Variants in PHLDB2 observed in about 807,000 individuals in gnomAD.
PHLDB2 encodes pleckstrin homology like domain family B member 2.
A neutral mutation model predicts 123.6 loss-of-function variants in PHLDB2; 71 were observed. The ratio of observed to expected loss-of-function variants is 0.57; its 90% CI spans 0.47 to 0.70. PHLDB2 has a LOEUF of 0.70. PHLDB2 is among the 30% of genes least tolerant of loss of function. PHLDB2 has a pLI of 0.00. For missense variants in PHLDB2, 1,446 were observed against 1,519.5 expected (o/e 0.95, Z 0.80); for synonymous variants, 547 against 541.6 (o/e 1.01, Z -0.14).
chr3:111,775,618 G>T (rs748166118), intron 1 of PHLDB2, among the ~76,000 whole-genome samples: 2 of 152,132 alleles, frequency 1.3e-5, no homozygotes, highest in Non-Finnish European at 2.9e-5. Context: ...TTCGAGTCAT[G>T]TGCATAGAAT....
At chr3:111,877,062 T>G (rs1172409554) in intron 1 of PHLDB2, among the ~76,000 whole-genome samples, 3 of 152,238 alleles carry the variant, frequency 2.0e-5, no homozygotes. Context: ...TAGAATGATT[T>G]ATAATCCTTT....
chr3:111,946,043 A>ATT (rs954963467), intron 9 of PHLDB2, among the ~76,000 whole-genome samples: 1 of 145,384 alleles, frequency 6.9e-6, no homozygotes, highest in African/African-American at 2.6e-5. Context: ...ATATATATAT[A>ATT]TTTTTTGAGA....
intron 3 of PHLDB2, chr3:111,915,329 T>G (rs990945487): frequency 6.6e-6 from 1 of 152,228 alleles, no homozygotes; most frequent in Non-Finnish European, 1.5e-5. Context: ...ACACTGAATG[T>G]TCCTAGTCAG....
intron 5 of PHLDB2, among the ~76,000 whole-genome samples, chr3:111,923,163 TC>T (rs1161477842): frequency 6.6e-6 from 1 of 152,194 alleles, no homozygotes; most frequent in Non-Finnish European, 1.5e-5. Context: ...TTCTTCCCAC[TC>T]CAGTTGGCTT....
upstream of PHLDB2, among the ~76,000 whole-genome samples, chr3:111,857,697 GA>G: frequency 6.6e-6 from 1 of 152,128 alleles, no homozygotes; most frequent in South Asian, 2.1e-4. Context: ...ACAAACATAT[GA>G]AAAAAAGCTC....
At chr3:111,736,790 T>A (rs764592832) in intron 1 of PHLDB2, among the ~76,000 whole-genome samples, 1 of 152,174 alleles carries the variant, frequency 6.6e-6, no homozygotes, top group Non-Finnish European at 1.5e-5. Flanking sequence ...TGAAAATAAA[T>A]ACATTAATTG....
intron 11 of PHLDB2, among the ~76,000 whole-genome samples, 199 bp downstream of exon 11, chr3:111,952,911 A>T (rs970573708): frequency 3.3e-5 from 5 of 152,160 alleles, no homozygotes; most frequent in Admixed American, 3.3e-4. Flanking sequence ...GCCAAAGAAC[A>T]TGCTTCAGGG....
chr3:111,796,562 C>G (rs1424336217), intron 1 of PHLDB2, among the ~76,000 whole-genome samples: 1 of 152,180 alleles, frequency 6.6e-6, no homozygotes, highest in Non-Finnish European at 1.5e-5. Flanking sequence ...GAGACAGACT[C>G]TCACTCTGTT....
chr3:111,966,501 ATG>A, intron 13 of PHLDB2, 110 bp from the exon 14 acceptor site: 1 of 517,106 alleles, frequency 1.9e-6, no homozygotes, highest in African/African-American at 2.2e-5. Context: ...CCTTGACCCC[ATG>A]TGTGTGTGTG....
intron 1 of PHLDB2, among the ~76,000 whole-genome samples, chr3:111,883,744 G>A (rs1469047548): frequency 6.6e-6 from 1 of 152,182 alleles, no homozygotes; most frequent in Admixed American, 6.5e-5. Flanking sequence ...TCCTCGAAGG[G>A]CCAGAACATT....
chr3:111,797,952 T>G (rs1397377685), intron 1 of PHLDB2, among the ~76,000 whole-genome samples: 6 of 152,146 alleles, frequency 3.9e-5, no homozygotes, highest in Admixed American at 3.9e-4. Flanking sequence ...GGCGATATAG[T>G]GAGACACCCA....
At position 111,822,640 on chromosome 3, in the gene PHLDB2, A is replaced by G. The variant is rs148768216; in HGVS notation, c.-48-23181A>G. Among the ~76,000 whole-genome samples, 242 of 152,226 alleles carry G rather than the reference A, an allele frequency of 1.6e-3. 1 individual carries two copies. Among genetic ancestry groups the G allele is most frequent in the Admixed American group, 5.9e-3 (90 of 15,280 alleles). On this transcript the variant is annotated intron_variant, in intron 1 of 17. Transcript: ENST00000393923. ...CAAAATCAGATACAGCACCTTTCCT[A>G]TGAGCTCTGGTAAACATTGGCAAGT...
chr3:111,787,583 AC>A (rs1350950253), intron 1 of PHLDB2, among the ~76,000 whole-genome samples: 6 of 152,068 alleles, frequency 3.9e-5, no homozygotes, highest in Non-Finnish European at 8.8e-5. Flanking sequence ...ATCTACTTCT[AC>A]CATTTTCAAA....
chr3:111,825,853 G>A (rs1177693716), intron 1 of PHLDB2, among the ~76,000 whole-genome samples: 1 of 152,052 alleles, frequency 6.6e-6, no homozygotes, highest in Non-Finnish European at 1.5e-5. Context: ...TTATAAGAGA[G>A]CTAGAAAAGA....
At chr3:111,929,409 G>T (rs2068988414) in intron 5 of PHLDB2, among the ~76,000 whole-genome samples, 1 of 152,020 alleles carries the variant, frequency 6.6e-6, no homozygotes, top group African/African-American at 2.4e-5. Context: ...ATTTAAATAT[G>T]GTGGAAGAGA....
In PHLDB2 at chr3:111,884,778, T is replaced by C. The variant is rs1347535085; in HGVS notation, c.701T>C (p.Ile234Thr). The C allele has an allele frequency of 4.3e-6, 7 of 1,613,780 alleles. No individual in the cohort carries two copies. ...TRHKELASEN[I>T]NLRTRKYSSS... Reference sequence around the variant, plus strand: ...CACAAGGAGCTTGCATCTGAAAACATCAATTTGAGAACTAGGAAGTACTCC... The same window carrying C: ...CACAAGGAGCTTGCATCTGAAAACACCAATTTGAGAACTAGGAAGTACTCC... The change falls in exon 2 of 18, where the codon ATC (isoleucine) becomes ACC (threonine). Residue 234 changes from isoleucine to threonine, a missense_variant. Around this residue, in one of 3 missense-constraint regions of PHLDB2, gnomAD observed 832 missense variants for 831.9 expected, o/e 1.00. Transcript: ENST00000431670.
At chr3:111,933,954 A>T (rs1253776798) in intron 6 of PHLDB2, among the ~76,000 whole-genome samples, 2 of 152,086 alleles carry the variant, frequency 1.3e-5, no homozygotes, top group East Asian at 3.9e-4. Context: ...AAATTTATAG[A>T]CTCTATTCAC....
At chr3:111,885,865 C>T in intron 2 of PHLDB2, 1 of 489,474 alleles carries the variant, frequency 2.0e-6, no homozygotes, top group Non-Finnish European at 3.6e-6. Flanking sequence ...AGCAAGTTGT[C>T]TAGAAAGTTG....
chr3:111,784,341 A>G (rs2060599896), intron 1 of PHLDB2, among the ~76,000 whole-genome samples: 1 of 152,218 alleles, frequency 6.6e-6, no homozygotes, highest in Non-Finnish European at 1.5e-5. Flanking sequence ...TTCTGAGCTC[A>G]TTGGAAGCTT....
Sources: gnomAD v4.1 joint callset for allele counts (sites outside exome capture counted in the v4.1 genomes callset) on GRCh38, gnomAD v4.1.1 for gene constraint, gnomAD v4.1.1 regional missense constraint, MANE v1.5 for transcripts, NCBI Gene and HGNC (gene_info 2026-07-23, HGNC 2026-07-21) for gene names.